Variants in CCSER1 observed in about 807,000 individuals in gnomAD.
The protein encoded by CCSER1 is coiled-coil serine rich protein 1.
Under a neutral mutation model 82.0 loss-of-function variants are expected in CCSER1, and 41 were observed. The ratio of observed to expected loss-of-function variants is 0.50; its 90% CI spans 0.39 to 0.65. The LOEUF is 0.65. CCSER1 is among the 30% of genes least tolerant of loss of function. CCSER1 has a pLI of 0.00. For missense variants in CCSER1, 1,119 were observed against 1,064.2 expected (o/e 1.05, Z -0.72); for synonymous variants, 414 against 383.9 (o/e 1.08, Z -0.92).
chr4:91,373,255 C>T (rs538861652), intron 10 of CCSER1, among the ~76,000 whole-genome samples: 4 of 152,022 alleles, frequency 2.6e-5, no homozygotes, highest in Non-Finnish European at 5.9e-5. Context: ...AGGCACATCT[C>T]ATGTTATTGT....
At chr4:90,246,421 C>T (rs1035809376) in intron 1 of CCSER1, among the ~76,000 whole-genome samples, 1 of 152,050 alleles carries the variant, frequency 6.6e-6, no homozygotes, top group Non-Finnish European at 1.5e-5. Context: ...TTATACAATT[C>T]CTCTTATTTT....
intron 5 of CCSER1, among the ~76,000 whole-genome samples, chr4:90,499,781 A>G (rs1769580114): frequency 6.6e-6 from 1 of 152,148 alleles, no homozygotes; most frequent in African/African-American, 2.4e-5. Context: ...ATGTTCCATC[A>G]TAGCTTGAGC....
chr4:90,767,850 G>T (rs963403735), intron 7 of CCSER1, among the ~76,000 whole-genome samples: 1 of 150,090 alleles, frequency 6.7e-6, no homozygotes, highest in Non-Finnish European at 1.5e-5. Flanking sequence ...GTATTTTTTT[G>T]CCATGTTGCC....
At chr4:90,611,729 A>G (rs1203510249) in intron 5 of CCSER1, among the ~76,000 whole-genome samples, 1 of 147,848 alleles carries the variant, frequency 6.8e-6, no homozygotes. Flanking sequence ...TATAATATAT[A>G]ATTATATATA....
chr4:90,143,060 G>T (rs1339558661), intron 1 of CCSER1, among the ~76,000 whole-genome samples: 2 of 152,150 alleles, frequency 1.3e-5, no homozygotes, highest in African/African-American at 4.8e-5. Flanking sequence ...AAGTGAGGAA[G>T]CCTTACTTTT....
chr4:90,648,274 G>GAAAGAAAGGAAAGAAAGAAAGAA (rs1727979174), intron 6 of CCSER1, among the ~76,000 whole-genome samples: 1 of 100,714 alleles, frequency 9.9e-6, no homozygotes. Flanking sequence ...GAAAGAGAGA[G>GAAAGAAAGGAAAGAAAGAAAGAA]AGAAAGAAAG....
At chr4:90,907,270 A>G (rs1326755919) in intron 8 of CCSER1, among the ~76,000 whole-genome samples, 1 of 152,096 alleles carries the variant, frequency 6.6e-6, no homozygotes, top group Non-Finnish European at 1.5e-5. Flanking sequence ...AAAGTGAGAG[A>G]GATGTAGAGC....
intron 5 of CCSER1, among the ~76,000 whole-genome samples, chr4:90,609,261 A>G (rs888821544): frequency 2.0e-5 from 3 of 152,112 alleles, no homozygotes; most frequent in Admixed American, 6.6e-5. Flanking sequence ...AGGCTTAGTA[A>G]GAGTTAAATT....
intron 5 of CCSER1, among the ~76,000 whole-genome samples, chr4:90,616,191 A>G (rs1721157197): frequency 6.6e-6 from 1 of 152,188 alleles, no homozygotes; most frequent in Non-Finnish European, 1.5e-5. Context: ...AAGCAAAAAA[A>G]TTGTGTGACT....
intron 1 of CCSER1, among the ~76,000 whole-genome samples, chr4:90,228,073 C>T (rs1743587038): frequency 6.6e-6 from 1 of 152,194 alleles, no homozygotes; most frequent in Non-Finnish European, 1.5e-5. Context: ...CCCAGGCTTG[C>T]TTAGGTAAAC....
intron 10 of CCSER1, among the ~76,000 whole-genome samples, chr4:91,095,714 G>T (rs560040617): frequency 6.6e-6 from 1 of 152,186 alleles, no homozygotes; most frequent in South Asian, 2.1e-4. Flanking sequence ...CCTTTCCTTG[G>T]ATGACTTCAG....
At chr4:90,663,660 A>T (rs6842658) in intron 6 of CCSER1, among the ~76,000 whole-genome samples, 77,984 of 151,878 alleles carry the variant, frequency 0.51, 20,262 homozygotes, top group Middle Eastern at 0.67. Flanking sequence ...ATACTTTATT[A>T]TTCTTCACAA....
At chr4:91,536,240 C>G (rs1447247515) in intron 10 of CCSER1, among the ~76,000 whole-genome samples, 1 of 152,056 alleles carries the variant, frequency 6.6e-6, no homozygotes, top group Non-Finnish European at 1.5e-5. Context: ...CCTAAGCAAA[C>G]TTTATGGCAA....
At chr4:91,513,900 T>C (rs530007828) in intron 10 of CCSER1, among the ~76,000 whole-genome samples, 2 of 152,186 alleles carry the variant, frequency 1.3e-5, no homozygotes, top group African/African-American at 4.8e-5. Flanking sequence ...TCCTCTCAAA[T>C]GATAAATTTT....
At chr4:91,400,022 A>G (rs1157003249) in intron 10 of CCSER1, among the ~76,000 whole-genome samples, 2 of 152,004 alleles carry the variant, frequency 1.3e-5, no homozygotes, top group African/African-American at 2.4e-5. Flanking sequence ...CTTGAGCACA[A>G]CAAATTATTG....
At chr4:90,577,214 G>A (rs1430297263) in intron 5 of CCSER1, among the ~76,000 whole-genome samples, 1 of 151,974 alleles carries the variant, frequency 6.6e-6, no homozygotes, top group African/African-American at 2.4e-5. Context: ...TTTACATTAG[G>A]TTAAAAATGG....
chr4:90,762,848 G>C (rs1750612836), intron 7 of CCSER1, among the ~76,000 whole-genome samples: 1 of 152,016 alleles, frequency 6.6e-6, no homozygotes, highest in Non-Finnish European at 1.5e-5. Context: ...ATCTTGAGAT[G>C]GGGAGATTAT....
chr4:90,585,655 CTT>C (rs565360928), intron 5 of CCSER1, among the ~76,000 whole-genome samples: 3 of 151,872 alleles, frequency 2.0e-5, no homozygotes, highest in Non-Finnish European at 2.9e-5. Flanking sequence ...GGTTGAATGA[CTT>C]TTTTTTCATT....
At chr4:90,710,951 C>G (rs1740489199) in intron 6 of CCSER1, among the ~76,000 whole-genome samples, 1 of 152,104 alleles carries the variant, frequency 6.6e-6, no homozygotes, top group Admixed American at 6.6e-5. Flanking sequence ...ACTGATTCTT[C>G]TTATCCGTGA....
Sources: gnomAD v4.1 joint callset for allele counts (sites outside exome capture counted in the v4.1 genomes callset) on GRCh38, gnomAD v4.1.1 for gene constraint, MANE v1.5 for transcripts, NCBI Gene and HGNC (gene_info 2026-07-23, HGNC 2026-07-21) for gene names.